Variants in WIPF1 observed in about 807,000 individuals in gnomAD.
The protein encoded by WIPF1 is WAS/WASL interacting protein family member 1, also known as WAS/WASL-interacting protein family member 1.
In WIPF1, 13 loss-of-function variants were observed where a neutral mutation model predicts 35.4. The ratio of observed to expected loss-of-function variants is 0.37; its 90% CI spans 0.24 to 0.58. WIPF1 has a LOEUF of 0.58. WIPF1 is among the 20% of genes least tolerant of loss of function. The probability of loss-of-function intolerance (pLI) is 0.74; values close to 1 mark genes in which losing one functional copy is unlikely to be tolerated. For synonymous variants in WIPF1, 267 were observed against 266.3 expected (o/e 1.00, Z -0.02); for missense variants, 591 against 667.0 (o/e 0.89, Z 1.25).
At chr2:174,596,371 A>C (rs1474708126) in intron 1 of WIPF1, among the ~76,000 whole-genome samples, 1 of 152,216 alleles carries the variant, frequency 6.6e-6, no homozygotes, top group African/African-American at 2.4e-5. Flanking sequence ...GATAAAGTTA[A>C]CACATAGCAC....
intron 1 of WIPF1, among the ~76,000 whole-genome samples, chr2:174,660,522 G>C (rs1021394219): frequency 4.6e-5 from 7 of 152,114 alleles, no homozygotes; most frequent in African/African-American, 1.7e-4. Context: ...TCACCCTAGG[G>C]AGGGGGGAAC....
intron 1 of WIPF1, among the ~76,000 whole-genome samples, chr2:174,682,217 G>C (rs1300960146): frequency 6.6e-6 from 1 of 152,222 alleles, no homozygotes; most frequent in Non-Finnish European, 1.5e-5. Flanking sequence ...GCGCGTCTAC[G>C]CCGACCTGGG....
chr2:174,587,014 A>AT (rs1003577127), intron 1 of WIPF1, among the ~76,000 whole-genome samples: 1 of 151,544 alleles, frequency 6.6e-6, no homozygotes, highest in Non-Finnish European at 1.5e-5. Context: ...ATTTTTTTAA[A>AT]TTTTTTTTTG....
intron 1 of WIPF1, among the ~76,000 whole-genome samples, chr2:174,592,586 T>C (rs1157440366): frequency 6.7e-6 from 1 of 149,760 alleles, no homozygotes; most frequent in Non-Finnish European, 1.5e-5. Flanking sequence ...TTTCTATTTT[T>C]ATTTACATTT....
intron 1 of WIPF1, among the ~76,000 whole-genome samples, chr2:174,662,995 A>C (rs889880788): frequency 3.3e-5 from 5 of 152,234 alleles, no homozygotes; most frequent in African/African-American, 4.8e-5. Flanking sequence ...CATCAGTGGG[A>C]GACTAGGCAG....
chr2:174,570,934 T>G (rs1173639561), intron 5 of WIPF1, among the ~76,000 whole-genome samples: 1 of 152,202 alleles, frequency 6.6e-6, no homozygotes, highest in African/African-American at 2.4e-5. Flanking sequence ...GAGGGCAAAC[T>G]CTAGGCAATC....
Position 174,562,176 on chromosome 2 carries a change from G to A in WIPF1, c.*371C>T. 1.9e-6 allele frequency: 3 copies of A among 1,550,466 alleles called. No homozygotes were observed. Among genetic ancestry groups the A allele is most frequent in the South Asian group, 1.2e-5 (1 of 84,050 alleles). On this transcript the variant is annotated 3_prime_UTR_variant, in exon 8 of 8. Transcript: ENST00000679041. ...GGCCAAGCATGCGAAAAAGGAACGG[G>A]AGAAAACAGCTCTCAGGGACTTTAA... is the stretch of plus-strand genomic sequence containing the variant.
At chr2:174,612,179 G>T (rs1686368056) in intron 1 of WIPF1, among the ~76,000 whole-genome samples, 1 of 152,122 alleles carries the variant, frequency 6.6e-6, no homozygotes, top group African/African-American at 2.4e-5. Context: ...TTATAGGTGT[G>T]TGCCACCATA....
At chr2:174,669,423 C>G (rs548812371) in intron 1 of WIPF1, among the ~76,000 whole-genome samples, 70 of 152,206 alleles carry the variant, frequency 4.6e-4, no homozygotes, top group Non-Finnish European at 8.7e-4. Flanking sequence ...GATAACTGCA[C>G]TAGAAGGACA....
In WIPF1 at chr2:174,560,256, C is replaced by G. The variant is rs947451141; in HGVS notation, c.*2291G>C. On this transcript the variant is annotated 3_prime_UTR_variant, in exon 8 of 8. Coordinates refer to ENST00000679041, the MANE Select transcript of WIPF1 (RefSeq NM_001375834.1). ...TGTAGGTGTATTAATGAAACAGTCA[C>G]TTAAACACTACATTCTAAAACAATC... The G allele has an allele frequency of 3.9e-5, 6 of 152,574 alleles. No homozygotes were observed. The highest frequency in any genetic ancestry group is 8.8e-5 in the Non-Finnish European group (6 of 68,010). The allele number at this position is 152,574 out of a possible 1,614,324, so 9.5% of individuals were successfully genotyped here. A position where few individuals can be genotyped will look rare whatever the true frequency, so the allele number is the denominator to read the frequency against.
At chr2:174,624,944 C>A (rs1039963989) in intron 1 of WIPF1, among the ~76,000 whole-genome samples, 1 of 152,198 alleles carries the variant, frequency 6.6e-6, no homozygotes, top group Non-Finnish European at 1.5e-5. Flanking sequence ...AGCGTTCTGA[C>A]AACTGGCACT....
intron 2 of WIPF1, among the ~76,000 whole-genome samples, chr2:174,585,196 A>G (rs1283747670): frequency 6.6e-6 from 1 of 152,220 alleles, no homozygotes; most frequent in Admixed American, 6.5e-5. Flanking sequence ...ATCTGAATGA[A>G]AACAGTGCAC....
At chr2:174,589,241 G>C (rs1574813186) in intron 1 of WIPF1, among the ~76,000 whole-genome samples, 4 of 152,288 alleles carry the variant, frequency 2.6e-5, no homozygotes, top group African/African-American at 9.6e-5. Flanking sequence ...GCACAAAGTA[G>C]GGTTCTTACT....
In WIPF1 at chr2:174,678,693, C is replaced by T. The variant is rs77491434; in HGVS notation, c.-39+4081G>A. Among the ~76,000 whole-genome samples, 1,300 of 152,362 alleles carry T rather than the reference C, an allele frequency of 8.5e-3. 23 individuals are homozygous for T. Among genetic ancestry groups the T allele is most frequent in the African/African-American group, 0.03 (1,244 of 41,580 alleles). The stretch of plus-strand genomic sequence containing the variant: ...CACAACACATTAACCTGGTATTTCC[C>T]AGTGTCAAAGGGCCAGGAAAAGTGA... On this transcript the variant is annotated intron_variant, in intron 1 of 8. Coordinates refer to the WIPF1 transcript ENST00000272746.
chr2:174,640,523 T>C (rs1687275393), intron 1 of WIPF1, among the ~76,000 whole-genome samples: 1 of 151,622 alleles, frequency 6.6e-6, no homozygotes, highest in African/African-American at 2.4e-5. Context: ...AAAAAAAAAC[T>C]TTGATGAAAG....
At chr2:174,637,279 C>T (rs1687203561) in intron 1 of WIPF1, among the ~76,000 whole-genome samples, 1 of 151,986 alleles carries the variant, frequency 6.6e-6, no homozygotes, top group African/African-American at 2.4e-5. Context: ...CTTTCCAGCA[C>T]TACAAGATGC....
chr2:174,587,299 G>C (rs892565683), intron 1 of WIPF1, among the ~76,000 whole-genome samples: 1 of 152,128 alleles, frequency 6.6e-6, no homozygotes, highest in Non-Finnish European at 1.5e-5. Context: ...TTACAGGTGT[G>C]AGCCACTGTG....
rs769490496 is a variant in WIPF1, at chr2:174,571,903, G to A, written c.902C>T (p.Ser301Leu). Residue 301 changes from serine to leucine, a missense_variant, in exon 5 of 8, where the codon TCG becomes TTG. Coordinates refer to ENST00000679041, the MANE Select transcript of WIPF1 (RefSeq NM_001375834.1). The surrounding 1 kb of genome is among the most constrained non-coding windows in gnomAD (Gnocchi z 4.6). Reference protein sequence around the residue: ...KPPVPSTPRPSASSQAPPPPP... With the variant: ...KPPVPSTPRPLASSQAPPPPP... The stretch of plus-strand genomic sequence containing the variant: ...CGGAGGTGGGGCCTGTGAGGAGGCC[G>A]AAGGCCGCGGAGTGGAAGGCACTGG... The A allele has an allele frequency of 5.0e-6, 8 of 1,610,946 alleles. No individual in the cohort carries two copies. The South Asian group carries it at 7.7e-5, about 16-fold the overall frequency.
chr2:174,565,076 G>C (rs1684615476), intron 7 of WIPF1, among the ~76,000 whole-genome samples: 1 of 151,838 alleles, frequency 6.6e-6, no homozygotes, highest in African/African-American at 2.4e-5. Context: ...TGTATTTTTA[G>C]TAGAGACAGG....
Sources: gnomAD v4.1 joint callset for allele counts (sites outside exome capture counted in the v4.1 genomes callset) on GRCh38, gnomAD v4.1.1 for gene constraint, Gnocchi (gnomAD v3.1) non-coding constraint, MANE v1.5 for transcripts, NCBI Gene and HGNC (gene_info 2026-07-23, HGNC 2026-07-21) for gene names.